Variants in RPTOR observed in about 807,000 individuals in gnomAD.
RPTOR encodes the protein regulatory associated protein of MTOR complex 1, also known as regulatory-associated protein of mTOR.
In RPTOR, 21 loss-of-function variants were observed where a neutral mutation model predicts 169.9. That is an observed-to-expected ratio of 0.12 (90% CI 0.09 to 0.18). The LOEUF is 0.18. Ranked by LOEUF, RPTOR falls within the 10% of genes least tolerant of loss-of-function variation. The pLI, the probability that RPTOR is intolerant of heterozygous loss-of-function variation, is 1.00. For synonymous variants in RPTOR, 732 were observed against 753.2 expected (o/e 0.97, Z 0.46); for missense variants, 1,133 against 1,855.9 (o/e 0.61, Z 7.16).
intron 11 of RPTOR, among the ~76,000 whole-genome samples, chr17:80,853,994 A>C (rs2067825107): frequency 6.6e-6 from 1 of 152,208 alleles, no homozygotes; most frequent in South Asian, 2.1e-4. Flanking sequence ...AAAAAAAAAA[A>C]GTGTAGAACT....
intron 9 of RPTOR, among the ~76,000 whole-genome samples, chr17:80,831,685 ATCACTATGTATCCCTGTGTG>A (rs1465882312): frequency 1.3e-5 from 2 of 152,088 alleles, no homozygotes; most frequent in African/African-American, 2.4e-5. Flanking sequence ...ATCCTTGTGT[ATCACTATGTATCCCTGTGTG>A]TCACTGTGTA....
intron 5 of RPTOR, among the ~76,000 whole-genome samples, chr17:80,743,009 C>T (rs1438743304): frequency 6.6e-6 from 1 of 152,174 alleles, no homozygotes; most frequent in East Asian, 1.9e-4. Flanking sequence ...ACATATGTTC[C>T]TTTCTAATTG....
chr17:80,885,287 A>C, intron 17 of RPTOR, 139 bp downstream of exon 17: 1 of 1,063,678 alleles, frequency 9.4e-7, no homozygotes, highest in Non-Finnish European at 1.3e-6. Flanking sequence ...AGATCTTTAC[A>C]TGTTTCATTC....
At chr17:80,591,034 T>C (rs2065100790) in intron 1 of RPTOR, among the ~76,000 whole-genome samples, 1 of 152,088 alleles carries the variant, frequency 6.6e-6, no homozygotes, top group South Asian at 2.1e-4. Flanking sequence ...TGTCTTTTTC[T>C]TTGTTACTTA....
chr17:80,749,129 G>T (rs369112354), intron 5 of RPTOR, among the ~76,000 whole-genome samples: 4 of 18,858 alleles, frequency 2.1e-4, no homozygotes, highest in Admixed American at 1.9e-3. Flanking sequence ...TTTGGAGGCC[G>T]TGGCGGGAGG....
intron 4 of RPTOR, among the ~76,000 whole-genome samples, chr17:80,724,954 C>T (rs140083523): frequency 6.6e-6 from 1 of 152,328 alleles, no homozygotes; most frequent in Non-Finnish European, 1.5e-5. Context: ...GCCACCACGC[C>T]CCTTGCCTCC....
chr17:80,875,093 G>A (rs185612688), intron 13 of RPTOR, among the ~76,000 whole-genome samples: 233 of 152,282 alleles, frequency 1.5e-3, no homozygotes, highest in African/African-American at 5.3e-3. Context: ...GTTAGCCTGG[G>A]CGTAATTCTT....
At chr17:80,599,157 C>T (rs959288353) in intron 1 of RPTOR, among the ~76,000 whole-genome samples, 1 of 152,092 alleles carries the variant, frequency 6.6e-6, no homozygotes, top group African/African-American at 2.4e-5. Flanking sequence ...TGGGCTGACT[C>T]GGGACTGTAG....
At chr17:80,687,957 T>A (rs36077104) in intron 3 of RPTOR, among the ~76,000 whole-genome samples, 26,717 of 152,124 alleles carry the variant, frequency 0.18, 3,753 homozygotes, top group African/African-American at 0.39. Context: ...GGCCGGCTTC[T>A]TGTCCCGGTA....
intron 1 of RPTOR, among the ~76,000 whole-genome samples, chr17:80,575,492 G>C (rs1019489923): frequency 4.6e-5 from 7 of 152,226 alleles, no homozygotes; most frequent in African/African-American, 1.4e-4. Context: ...TCTGTAGGGG[G>C]AGCCATCCAC....
rs1407549523 is a variant in RPTOR at position 80,964,267 on chromosome 17, C to T, written c.3945C>T (p.His1315=). 1 of 1,606,960 alleles carries T rather than the reference C, an allele frequency of 6.2e-7. No individual in the cohort carries two copies. Among genetic ancestry groups the T allele is most frequent in the Non-Finnish European group, 8.5e-7 (1 of 1,179,690 alleles). ...SCLAFHPHWP[H]LAVGSNDYYI... ...CCCCTTCTCTCTCCTTGCAGCCTCA[C>T]CTGGCCGTGGGAAGCAACGACTACT... Residue 1315 remains histidine (H), a synonymous_variant, in exon 34 of 34, where the codon CAC becomes CAT. Transcript: ENST00000306801.
intron 6 of RPTOR, among the ~76,000 whole-genome samples, chr17:80,772,276 A>C (rs936673128): frequency 6.6e-6 from 1 of 152,188 alleles, no homozygotes; most frequent in Non-Finnish European, 1.5e-5. Flanking sequence ...CTTCCTTAAT[A>C]TCACATCCAA....
chr17:80,602,502 T>TG (rs1462271012), intron 1 of RPTOR: 14 of 378,746 alleles, frequency 3.7e-5, no homozygotes, highest in South Asian at 4.3e-5. Flanking sequence ...TTTTTTTTGG[T>TG]GGGGGGGAGT....
chr17:80,745,488 A>G (rs542189787), intron 5 of RPTOR, among the ~76,000 whole-genome samples: 1 of 150,258 alleles, frequency 6.7e-6, no homozygotes, highest in Non-Finnish European at 1.5e-5. Context: ...AATATTTGAT[A>G]TACATAATTC....
At chr17:80,546,307 A>AAAC (rs1339098268) in intron 1 of RPTOR, among the ~76,000 whole-genome samples, 1 of 152,224 alleles carries the variant, frequency 6.6e-6, no homozygotes, top group African/African-American at 2.4e-5. Context: ...CTAGTCTTCT[A>AAAC]AACAATTTCT....
intron 3 of RPTOR, among the ~76,000 whole-genome samples, chr17:80,690,067 G>T: frequency 6.6e-6 from 1 of 152,008 alleles, no homozygotes. Flanking sequence ...TTGCTCATTT[G>T]CTTCTTTATT....
At chr17:80,554,483 C>G (rs2084381924) in intron 1 of RPTOR, among the ~76,000 whole-genome samples, 1 of 152,044 alleles carries the variant, frequency 6.6e-6, no homozygotes, top group Admixed American at 6.6e-5. Context: ...GTGGCTCACA[C>G]CTGTAATCCC....
At chr17:80,912,759 A>G (rs535411437) in intron 21 of RPTOR, among the ~76,000 whole-genome samples, 23 of 152,294 alleles carry the variant, frequency 1.5e-4, no homozygotes, top group African/African-American at 5.3e-4. Context: ...TCATGTTAGC[A>G]GGTTATAGCA....
intron 2 of RPTOR, among the ~76,000 whole-genome samples, chr17:80,643,002 TATA>T (rs1167601606): frequency 6.6e-6 from 1 of 152,232 alleles, no homozygotes; most frequent in African/African-American, 2.4e-5. Context: ...TATGTTAAAA[TATA>T]ATGGGTTATT....
Sources: allele counts gnomAD v4.1 joint callset (sites outside exome capture counted in the v4.1 genomes callset), GRCh38; gene constraint gnomAD v4.1.1; transcripts MANE v1.5; gene names NCBI Gene and HGNC (gene_info 2026-07-23, HGNC 2026-07-21).